Variants in PDCD6 observed in about 807,000 individuals in gnomAD.
PDCD6 encodes the protein programmed cell death 6, also known as programmed cell death protein 6.
PDCD6 carries 12 observed loss-of-function variants against 28.3 expected under a neutral mutation model. The observed-to-expected ratio is 0.42, with a 90% CI of 0.27 to 0.69. The LOEUF (loss-of-function observed/expected upper bound fraction) is 0.69. Among genes scored for constraint, PDCD6 ranks in the 30% least tolerant of loss-of-function variants. PDCD6 has a pLI of 0.22. For missense variants in PDCD6, 226 were observed against 269.9 expected (o/e 0.84, Z 1.14); for synonymous variants, 92 against 108.0 (o/e 0.85, Z 0.92).
rs375633769 is a variant in PDCD6 at position 272,675 on chromosome 5, C to A, written c.102-36C>A. 1,519 of 1,549,156 alleles carry A rather than the reference C, an allele frequency of 9.8e-4. 33 individuals are homozygous for A. The African/African-American group carries it at 0.021, about 21-fold the overall frequency. On this transcript the variant is annotated intron_variant, in intron 1 of 5. Transcript: ENST00000264933. ...GTTTGTTTTGCTTTTCCTGAACTTT[C>A]GATCGCCAGCTTATTTGGTCTTCTT...
chr5:296,937 G>A (rs1195432571), intron 2 of PDCD6, among the ~76,000 whole-genome samples: 2 of 152,180 alleles, frequency 1.3e-5, no homozygotes, highest in Admixed American at 1.3e-4. Context: ...CATCCACACA[G>A]TTGAATCTCA....
chr5:306,543 C>T, intron 3 of PDCD6, 59 bp from the exon 4 acceptor site: 1 of 1,590,636 alleles, frequency 6.3e-7, no homozygotes, highest in East Asian at 2.2e-5. Context: ...TGGTGGGAAG[C>T]CTCAAGTGAG....
At chr5:298,097 T>G (rs1407545142) in intron 2 of PDCD6, among the ~76,000 whole-genome samples, 2 of 152,110 alleles carry the variant, frequency 1.3e-5, no homozygotes. Context: ...GGGAGTAATT[T>G]CCAGGCACAC....
At chr5:284,814 A>C (rs1014952467) in intron 2 of PDCD6, among the ~76,000 whole-genome samples, 1 of 136,558 alleles carries the variant, frequency 7.3e-6, no homozygotes, top group Non-Finnish European at 1.6e-5. Flanking sequence ...GGGCCATACA[A>C]CTGGAGACCC....
intron 2 of PDCD6, 149 bp downstream of exon 2, chr5:272,921 T>A: frequency 2.2e-6 from 3 of 1,361,134 alleles, no homozygotes; most frequent in Non-Finnish European, 3.0e-6. Context: ...GAGATGCTTC[T>A]GGTTTATTTT....
In PDCD6 at chr5:304,111, A is replaced by T; in HGVS notation, c.164-66A>T. 2.1e-6 allele frequency: 3 copies of T among 1,449,242 alleles called. No homozygotes were observed. The South Asian group carries it at 3.5e-5, about 17-fold the overall frequency. The allele number at this position is 1,449,242 out of a possible 1,614,324, so 89.8% of individuals were successfully genotyped here. A position where few individuals can be genotyped will look rare whatever the true frequency, so the allele number is the denominator to read the frequency against. ...CTTTTCCTGGTGCCTCCAGGTATAGATCACAAACTCAGTGTCCCAGAAAGA... is the reference window on the plus strand; with the variant it reads ...CTTTTCCTGGTGCCTCCAGGTATAGTTCACAAACTCAGTGTCCCAGAAAGA... On this transcript the variant is annotated intron_variant, in intron 2 of 5. Transcript: ENST00000264933.
chr5:299,383 C>G (rs1482281257), intron 2 of PDCD6, among the ~76,000 whole-genome samples: 1 of 149,406 alleles, frequency 6.7e-6, no homozygotes, highest in Non-Finnish European at 1.5e-5. Context: ...CGAGACCATG[C>G]TGGAACCGTG....
intron 2 of PDCD6, among the ~76,000 whole-genome samples, chr5:274,777 C>T (rs1246033418): frequency 1.3e-5 from 2 of 152,180 alleles, no homozygotes; most frequent in Non-Finnish European, 2.9e-5. Flanking sequence ...CCTGTATTTT[C>T]ACCAGAGGGA....
intron 5 of PDCD6, among the ~76,000 whole-genome samples, chr5:313,371 C>G (rs1741048836): frequency 6.6e-6 from 1 of 152,178 alleles, no homozygotes; most frequent in Non-Finnish European, 1.5e-5. Context: ...CTCTTTAAGC[C>G]AGCATTATCC....
chr5:304,017 C>A (rs1313587058), intron 2 of PDCD6, among the ~76,000 whole-genome samples, 160 bp from the exon 3 acceptor site: 1 of 150,652 alleles, frequency 6.6e-6, no homozygotes, highest in Non-Finnish European at 1.5e-5. Flanking sequence ...TTGGCCCCCT[C>A]CCAGGAGTCA....
chr5:279,023 C>T (rs1738395003), intron 2 of PDCD6, among the ~76,000 whole-genome samples: 1 of 152,110 alleles, frequency 6.6e-6, no homozygotes, highest in African/African-American at 2.4e-5. Flanking sequence ...AACAGAGAGG[C>T]CCGTTGAGGC....
At chr5:283,818 C>G (rs898830425) in intron 2 of PDCD6, among the ~76,000 whole-genome samples, 4 of 146,262 alleles carry the variant, frequency 2.7e-5, no homozygotes, top group Admixed American at 6.9e-5. Flanking sequence ...GAAGGTCTTG[C>G]AGCTGCAGAC....
chr5:285,173 T>A (rs1364810325), intron 2 of PDCD6, among the ~76,000 whole-genome samples: 1 of 150,136 alleles, frequency 6.7e-6, no homozygotes, highest in Non-Finnish European at 1.5e-5. Context: ...TGGAGGGCCG[T>A]GCAGCTGGAG....
chr5:290,183 A>G (rs1474385266), intron 2 of PDCD6: 53 of 1,591,120 alleles, frequency 3.3e-5, no homozygotes, highest in Non-Finnish European at 4.4e-5. Flanking sequence ...AAAATAAAAT[A>G]GCCTTTAAAT....
chr5:304,033 G>T, intron 2 of PDCD6, 144 bp from the exon 3 acceptor site: 1 of 1,095,760 alleles, frequency 9.1e-7, no homozygotes, highest in Non-Finnish European at 1.3e-6. Context: ...AGTCATGGCA[G>T]CCGACACGTC....
At chr5:279,715 G>T (rs1738440392) in intron 2 of PDCD6, among the ~76,000 whole-genome samples, 1 of 147,474 alleles carries the variant, frequency 6.8e-6, no homozygotes, top group African/African-American at 2.5e-5. Context: ...TAGAGGGGAA[G>T]GCAGATGATG....
At chr5:273,628 CAG>C (rs1008745421) in intron 2 of PDCD6, among the ~76,000 whole-genome samples, 2 of 152,160 alleles carry the variant, frequency 1.3e-5, no homozygotes, top group African/African-American at 4.8e-5. Flanking sequence ...CTGAAGTTGC[CAG>C]AGACTGAACT....
In PDCD6 at chr5:288,294, A is replaced by T. The variant is rs1429838029; in HGVS notation, c.163+15522A>T. Among the ~76,000 whole-genome samples, 78 of 106,438 alleles carry T rather than the reference A, an allele frequency of 7.3e-4. No individual in the cohort carries two copies. The East Asian group carries it at 0.014, about 19-fold the overall frequency. 69.8% of individuals were successfully genotyped at this position (106,438 alleles called of 152,430 possible). On this transcript the variant is annotated intron_variant, in intron 2 of 5. Transcript: ENST00000264933. ...CCCCCCTTAAAATAATATATATATT[A>T]TATATATATATATATATACACATAT...
rs888868367 is a variant in PDCD6, at chr5:314,656, T to C, written c.*141T>C. On this transcript the variant is annotated 3_prime_UTR_variant, in exon 6 of 6. Coordinates refer to ENST00000264933, the MANE Select transcript of PDCD6 (RefSeq NM_013232.4). ...TCACGTGGGGACCCAGCTGTACATA[T>C]GTGGATAAGCTGATTAATGGTTTTG... is the stretch of plus-strand genomic sequence containing the variant. 12 of 708,230 alleles carry C rather than the reference T, an allele frequency of 1.7e-5. No individual in the cohort carries two copies. Among genetic ancestry groups the C allele is most frequent in the Non-Finnish European group, 2.8e-5 (11 of 389,708 alleles). The allele number at this position is 708,230 out of a possible 1,614,324, so 43.9% of individuals were successfully genotyped here.
Sources: gnomAD v4.1 joint callset for allele counts (sites outside exome capture counted in the v4.1 genomes callset) on GRCh38, gnomAD v4.1.1 for gene constraint, MANE v1.5 for transcripts, NCBI Gene and HGNC (gene_info 2026-07-23, HGNC 2026-07-21) for gene names.